The following SNAP91 variants were observed in gnomAD, a reference collection of about 807,000 sequenced individuals.
SNAP91 encodes the protein synaptosome associated protein 91, also known as clathrin coat assembly protein AP180.
SNAP91 carries 27 observed loss-of-function variants against 100.3 expected under a neutral mutation model. The observed-to-expected ratio is 0.27, with a 90% CI of 0.20 to 0.37. The LOEUF (loss-of-function observed/expected upper bound fraction) is 0.37, where lower values mean the gene tolerates loss of function less well. Ranked by LOEUF, SNAP91 falls within the 10% of genes least tolerant of loss-of-function variation. The pLI, the probability that SNAP91 is intolerant of heterozygous loss-of-function variation, is 1.00. For missense variants in SNAP91, 986 were observed against 1,123.7 expected, an observed-to-expected ratio of 0.88 and a Z score of 1.75; for synonymous variants, 404 against 398.6, an observed-to-expected ratio of 1.01 and a Z score of -0.16.
At chr6:83,634,008 G>T (rs1000643061) in intron 8 of SNAP91, among the ~76,000 whole-genome samples, 1 of 152,004 alleles carries the variant, frequency 6.6e-6, no homozygotes, top group Non-Finnish European at 1.5e-5. Context: ...GCTAAATGAC[G>T]AGTTAATGGG....
At chr6:83,685,055 A>G (rs1387601480) in intron 2 of SNAP91, among the ~76,000 whole-genome samples, 1 of 152,248 alleles carries the variant, frequency 6.6e-6, no homozygotes, top group Non-Finnish European at 1.5e-5. Context: ...AGTTCCTGTT[A>G]GAAAAAGAAG....
intron 8 of SNAP91, among the ~76,000 whole-genome samples, chr6:83,637,522 T>TGC (rs1487126820): frequency 3.3e-5 from 5 of 152,230 alleles, no homozygotes; most frequent in Non-Finnish European, 7.3e-5. Flanking sequence ...ACTCAGCTTG[T>TGC]GCTCCTCTGA....
chr6:83,598,817 TACAGAAAATC>T (rs1389497865), intron 16 of SNAP91, among the ~76,000 whole-genome samples: 1 of 152,086 alleles, frequency 6.6e-6, no homozygotes, highest in Non-Finnish European at 1.5e-5. Context: ...TGAAAGAAAT[TACAGAAAATC>T]ACTGAAAATC....
At chr6:83,608,773 T>A (rs1211076322) in intron 12 of SNAP91, among the ~76,000 whole-genome samples, 1 of 152,098 alleles carries the variant, frequency 6.6e-6, no homozygotes, top group Non-Finnish European at 1.5e-5. Context: ...TCCAAGAATA[T>A]ACTAATCCAA....
At position 83,610,242 on chromosome 6, in the gene SNAP91, T is replaced by C. The variant is rs183867147; in HGVS notation, c.912+408A>G. Among the ~76,000 whole-genome samples, 63 of 152,104 alleles carry C rather than the reference T, an allele frequency of 4.1e-4. No individual in the cohort carries two copies. In the East Asian group the frequency reaches 9.7e-3, roughly 23 times the overall value. On this transcript the variant is annotated intron_variant, in intron 12 of 29. Transcript: ENST00000369694. ...GATGGATGAATGCATGAATAAAGTGTGGTATATACATATAATGGAATATAA... is the reference window on the plus strand; with the variant it reads ...GATGGATGAATGCATGAATAAAGTGCGGTATATACATATAATGGAATATAA...
chr6:83,575,268 T>TA (rs1816436012), intron 25 of SNAP91, 147 bp from the exon 26 acceptor site: 1 of 626,254 alleles, frequency 1.6e-6, no homozygotes. Context: ...AGTTAAAACT[T>TA]ACAGAGGAAT....
intron 4 of SNAP91, 99 bp downstream of exon 4, chr6:83,662,244 TTAAA>T: frequency 2.5e-6 from 1 of 403,216 alleles, no homozygotes; most frequent in East Asian, 4.0e-5. Flanking sequence ...TTTTACATTC[TTAAA>T]TATTCAATGA....
chr6:83,607,745 G>C lies in SNAP91; in HGVS notation c.976C>G (p.Pro326Ala). ...STPAKTIDTS[P>A]PVDLFATASA... ...GCAGTTGCAAATAAATCAACCGGTG[G>C]GGATGTGTCAATAGTTTTAGCTGGT... is the stretch of plus-strand genomic sequence containing the variant. The change falls in exon 13 of 30, where the codon CCA becomes GCA. Residue 326 changes from proline to alanine, a missense_variant. This residue lies in a region of SNAP91 where 330 missense variants were observed against 447.5 expected (regional missense o/e 0.74). Transcript: ENST00000369694. 6.3e-7 allele frequency: 1 copy of C among 1,595,846 alleles called. No homozygotes were observed. The highest frequency in any genetic ancestry group is 8.5e-7 in the Non-Finnish European group (1 of 1,170,960).
intron 16 of SNAP91, 80 bp downstream of exon 16, chr6:83,601,191 G>T: frequency 7.2e-7 from 1 of 1,386,176 alleles, no homozygotes; most frequent in Non-Finnish European, 1.0e-6. Flanking sequence ...GTTACATAAC[G>T]GAAAAAATTT....
intron 9 of SNAP91, among the ~76,000 whole-genome samples, chr6:83,621,269 A>G (rs1232683018): frequency 6.6e-6 from 1 of 152,190 alleles, no homozygotes; most frequent in Non-Finnish European, 1.5e-5. Flanking sequence ...AGCTCCATCC[A>G]TGTCTCTGCA....
At position 83,703,105 on chromosome 6, in the gene SNAP91, A is replaced by G. The variant is rs182080294; in HGVS notation, c.130+4693T>C. 4.6e-4 allele frequency among the ~76,000 whole-genome samples: 70 copies of G among 152,100 alleles called. No homozygotes were observed. The East Asian group carries it at 0.012, about 26-fold the overall frequency. ...CACCCTTGGGCTGGGTCTTCTGGTA[A>G]AATCAAGAGGAAGGAACAGATTATG... is the stretch of plus-strand genomic sequence containing the variant. On this transcript the variant is annotated intron_variant, in intron 2 of 29. Transcript: ENST00000369694.
intron 10 of SNAP91, among the ~76,000 whole-genome samples, chr6:83,616,450 G>A (rs1257447451): frequency 6.6e-6 from 1 of 152,082 alleles, no homozygotes; most frequent in Non-Finnish European, 1.5e-5. Context: ...ACTTATCATT[G>A]CTTGATTGCT....
chr6:83,598,314 A>C (rs931906359), intron 16 of SNAP91, among the ~76,000 whole-genome samples: 48 of 152,346 alleles, frequency 3.2e-4, no homozygotes, highest in Admixed American at 1.7e-3. Context: ...TAAAAAATGA[A>C]GCATTTAATA....
chr6:83,617,287 T>G (rs1308195502), intron 9 of SNAP91, among the ~76,000 whole-genome samples: 4 of 152,062 alleles, frequency 2.6e-5, no homozygotes, highest in African/African-American at 9.7e-5. Context: ...GTGTAGAGAT[T>G]ACATTGGATA....
chr6:83,632,684 T>C (rs1167451350), intron 8 of SNAP91, among the ~76,000 whole-genome samples: 4 of 152,232 alleles, frequency 2.6e-5, no homozygotes, highest in Non-Finnish European at 4.4e-5. Context: ...TTGCTGAGAC[T>C]TTCCAGAGCA....
At chr6:83,622,435 A>C (rs2096766581) in intron 9 of SNAP91, among the ~76,000 whole-genome samples, 1 of 90,486 alleles carries the variant, frequency 1.1e-5, no homozygotes, top group Admixed American at 1.3e-4. Context: ...ACAAGTAGGT[A>C]TCTTTCATTA....
At chr6:83,613,844 T>G (rs968917403) in intron 11 of SNAP91, among the ~76,000 whole-genome samples, 1 of 152,238 alleles carries the variant, frequency 6.6e-6, no homozygotes, top group African/African-American at 2.4e-5. Flanking sequence ...CAATATTTGT[T>G]AAAAAGACCA....
chr6:83,573,496 C>T lies in SNAP91; in HGVS notation c.2442+1514G>A, dbSNP rs1353474457. Among the ~76,000 whole-genome samples, 4 of 152,264 alleles carry T rather than the reference C, an allele frequency of 2.6e-5. No homozygotes were observed. The South Asian group carries it at 8.3e-4, about 32-fold the overall frequency. ...CAAAAAAGAGCCTGCATTGCCAAGA[C>T]AATCCTAAGCCAAAAGAACAAAGCT... On this transcript the variant is annotated intron_variant, in intron 26 of 29. Transcript: ENST00000369694.
intron 7 of SNAP91, among the ~76,000 whole-genome samples, chr6:83,653,261 T>A (rs184429044): frequency 6.6e-6 from 1 of 152,200 alleles, no homozygotes; most frequent in East Asian, 1.9e-4. Context: ...TCTGTTCTGA[T>A]GTTTGTTTTG....
Sources: allele counts gnomAD v4.1 joint callset (sites outside exome capture counted in the v4.1 genomes callset), GRCh38; gene constraint gnomAD v4.1.1; regional missense constraint gnomAD v4.1.1; transcripts MANE v1.5; gene names NCBI Gene and HGNC (gene_info 2026-07-23, HGNC 2026-07-21).